Variants in ATP7B observed in about 807,000 individuals in gnomAD.
ATP7B encodes the protein copper-transporting ATPase 2.
Under a neutral mutation model 118.9 loss-of-function variants are expected in ATP7B, and 113 were observed. The observed-to-expected ratio is 0.95, with a 90% CI of 0.82 to 1.11. The LOEUF (loss-of-function observed/expected upper bound fraction) is 1.11, where lower values mean the gene tolerates loss of function less well. Among genes scored for constraint, ATP7B ranks in the 50% most tolerant of loss-of-function variants. The probability of loss-of-function intolerance (pLI) is 0.00; values close to 1 mark genes in which losing one functional copy is unlikely to be tolerated. For synonymous variants in ATP7B, 777 were observed against 727.4 expected (o/e 1.07, Z -1.10); for missense variants, 1,867 against 1,871.4 (o/e 1.00, Z 0.04).
chr13:51,970,690 T>C lies in ATP7B; in HGVS notation c.1345A>G (p.Thr449Ala). 6.2e-7 allele frequency: 1 copy of C among 1,614,198 alleles called. No individual in the cohort carries two copies. Among genetic ancestry groups the C allele is most frequent in the Non-Finnish European group, 8.5e-7 (1 of 1,180,014 alleles). ...HSAGNSMVQTTDGTPTSVQEV... is the reference protein window; with the variant it reads ...HSAGNSMVQTADGTPTSVQEV... ...TGCACAGATGTAGGTGTACCATCTG[T>C]AGTTTGCACCATGGAATTCCCAGCA... The change falls in exon 3 of 21, where the codon ACA (threonine) becomes GCA (alanine). Residue 449 changes from threonine (T) to alanine (A), a missense_variant. By Grantham distance (58) the Thr-to-Ala change is moderately conservative. Transcript: ENST00000242839.
In ATP7B at chr13:51,957,619, C is replaced by T. The variant is rs1958439901; in HGVS notation, c.2356-12G>A. On this transcript the variant is annotated splice_polypyrimidine_tract_variant and intron_variant, in intron 8 of 20. Transcript: ENST00000242839. ...TCTGAGGTTTTGCTCTAGGAAATAA[C>T]CAGAATGTGAAATGAGAGCTATCGA... 6.2e-7 allele frequency: 1 copy of T among 1,612,182 alleles called. No individual in the cohort carries two copies. Among genetic ancestry groups the T allele is most frequent in the Non-Finnish European group, 8.5e-7 (1 of 1,178,252 alleles).
At chr13:51,942,145 G>T (rs140559291) in intron 15 of ATP7B, among the ~76,000 whole-genome samples, 307 of 152,346 alleles carry the variant, frequency 2.0e-3, no homozygotes, top group African/African-American at 7.1e-3. Flanking sequence ...AGAAAGAGGA[G>T]AATCAAAATC....
chr13:51,998,941 G>A (rs1953349933), intron 1 of ATP7B, among the ~76,000 whole-genome samples: 1 of 152,202 alleles, frequency 6.6e-6, no homozygotes, highest in Non-Finnish European at 1.5e-5. Context: ...TCCCTCCCAA[G>A]ATGGGGAGAG....
At chr13:51,938,414 A>G (rs1344634067) in intron 17 of ATP7B, among the ~76,000 whole-genome samples, 2 of 152,260 alleles carry the variant, frequency 1.3e-5, no homozygotes, top group Non-Finnish European at 2.9e-5. Context: ...AACAAGTGCT[A>G]GCCAGAAAAG....
intron 2 of ATP7B, among the ~76,000 whole-genome samples, chr13:51,971,391 C>A (rs895239774): frequency 2.0e-5 from 3 of 152,050 alleles, no homozygotes; most frequent in Admixed American, 6.5e-5. Context: ...AAGTCTGATA[C>A]CCTAAATACC....
At chr13:51,989,073 A>T (rs1952793915) in intron 1 of ATP7B, among the ~76,000 whole-genome samples, 1 of 152,188 alleles carries the variant, frequency 6.6e-6, no homozygotes, top group Non-Finnish European at 1.5e-5. Context: ...AAAAAGATTA[A>T]CATCATACAT....
At chr13:51,938,450 T>C (rs1280122259) in intron 17 of ATP7B, among the ~76,000 whole-genome samples, 1 of 152,222 alleles carries the variant, frequency 6.6e-6, no homozygotes, top group East Asian at 1.9e-4. Context: ...AACAGGTCCA[T>C]AATTAGCAAG....
At chr13:51,946,262 G>A (rs757887853) in intron 13 of ATP7B, 22 bp downstream of exon 13, 46 of 1,559,018 alleles carry the variant, frequency 3.0e-5, no homozygotes, top group Non-Finnish European at 3.6e-5. Flanking sequence ...TCAGGATGGG[G>A]AAAGCCGTGC....
In ATP7B at chr13:51,958,510, T is replaced by C. The variant is rs1003203457; in HGVS notation, c.2156A>G (p.Tyr719Cys). 3.7e-6 allele frequency: 6 copies of C among 1,614,052 alleles called. No individual in the cohort carries two copies. The African/African-American group carries it at 6.7e-5, about 18-fold the overall frequency. ...GGCTGACCTGTGTCTCAGAGATTTG[T>C]AGGCCTGAACGTAGAAGTACCACCC... ...LGGWYFYVQAYKSLRHRSANM... is the reference protein window; with the variant it reads ...LGGWYFYVQACKSLRHRSANM... Residue 719 changes from tyrosine (Y) to cysteine (C), a missense_variant, in exon 8 of 21, where the codon TAC becomes TGC. Transcript: ENST00000242839.
intron 1 of ATP7B, among the ~76,000 whole-genome samples, chr13:52,003,965 GAC>G (rs1211825021): frequency 2.0e-5 from 3 of 152,170 alleles, no homozygotes; most frequent in Non-Finnish European, 4.4e-5. Context: ...CTCCCTAAAA[GAC>G]AGCAGGACTG....
chr13:51,986,765 C>T (rs112886720), intron 1 of ATP7B, among the ~76,000 whole-genome samples: 2 of 152,042 alleles, frequency 1.3e-5, no homozygotes, highest in African/African-American at 4.8e-5. Context: ...TGGTTCAACA[C>T]ATGCATATCA....
Position 51,984,459 on chromosome 13 carries a change from G to A in ATP7B, c.52-9291C>T, listed in dbSNP as rs140200396. Among the ~76,000 whole-genome samples, 46 of 152,286 alleles carry A rather than the reference G, an allele frequency of 3.0e-4. 1 individual carries two copies. In the East Asian group the frequency reaches 5.6e-3, roughly 19 times the overall value. On this transcript the variant is annotated intron_variant, in intron 1 of 20. Coordinates refer to ENST00000242839, the MANE Select transcript of ATP7B (RefSeq NM_000053.4). ...TTTGACTGGTGTACCTGAAAATGAC[G>A]GGGAGAATGGAACCAAGTTGGAAAA...
At chr13:51,976,170 G>T (rs1358090202) in intron 1 of ATP7B, among the ~76,000 whole-genome samples, 1 of 152,176 alleles carries the variant, frequency 6.6e-6, no homozygotes, top group East Asian at 1.9e-4. Context: ...ATGTGCTTCA[G>T]AAATTTGGGA....
intron 3 of ATP7B, among the ~76,000 whole-genome samples, chr13:51,969,135 T>A (rs1566575273): frequency 6.6e-6 from 1 of 150,982 alleles, no homozygotes. Flanking sequence ...TCATTTTTTT[T>A]TAAAAAAAAA....
intron 9 of ATP7B, among the ~76,000 whole-genome samples, chr13:51,953,205 G>A (rs1340555493): frequency 6.6e-6 from 1 of 152,188 alleles, no homozygotes; most frequent in Admixed American, 6.5e-5. Context: ...GAGAAGTCCA[G>A]GCTGAACATT....
At chr13:51,986,431 C>T (rs1307543799) in intron 1 of ATP7B, among the ~76,000 whole-genome samples, 1 of 152,046 alleles carries the variant, frequency 6.6e-6, no homozygotes, top group South Asian at 2.1e-4. Flanking sequence ...TAATAGCCTA[C>T]CAATCAAAAA....
At chr13:51,945,210 C>T (rs1957570554) in intron 13 of ATP7B, among the ~76,000 whole-genome samples, 1 of 152,136 alleles carries the variant, frequency 6.6e-6, no homozygotes, top group African/African-American at 2.4e-5. Context: ...TATGCCATCC[C>T]CTACGTGGCT....
At chr13:51,940,343 C>T (rs1040993263) in intron 16 of ATP7B, among the ~76,000 whole-genome samples, 7 of 143,424 alleles carry the variant, frequency 4.9e-5, no homozygotes, top group African/African-American at 1.5e-4. Context: ...GTACTCTGTG[C>T]GACACCAGTC....
rs9535795 is a variant in ATP7B at position 51,937,226 on chromosome 13, C to G, written c.4021+50G>C. 0.58 allele frequency: 902,941 copies of G among 1,565,232 alleles called. 262,397 individuals are homozygous for G. Among genetic ancestry groups the G allele is most frequent in the Middle Eastern group, 0.63 (3,772 of 5,972 alleles). The stretch of plus-strand genomic sequence containing the variant: ...CTAACCCCAGCAGGAACCTGGGAGA[C>G]AGAAGCCTTTCTGGGCGCAGCTGGA... On this transcript the variant is annotated intron_variant, in intron 19 of 20. Coordinates refer to ENST00000242839, the MANE Select transcript of ATP7B (RefSeq NM_000053.4).
Sources: allele counts gnomAD v4.1 joint callset (sites outside exome capture counted in the v4.1 genomes callset), GRCh38; gene constraint gnomAD v4.1.1; transcripts MANE v1.5; gene names NCBI Gene and HGNC (gene_info 2026-07-23, HGNC 2026-07-21).